The following UPRT variants were observed in gnomAD, a reference collection of about 807,000 sequenced individuals.
The protein encoded by UPRT is RP11-311P8.3.
Under a neutral mutation model 22.6 loss-of-function variants are expected in UPRT, and 5 were observed. That is an observed-to-expected ratio of 0.22 (90% confidence interval 0.12 to 0.47). The LOEUF (loss-of-function observed/expected upper bound fraction) is 0.47, where lower values mean the gene tolerates loss of function less well. UPRT is among the 20% of genes least tolerant of loss of function. The pLI, the probability that UPRT is intolerant of heterozygous loss-of-function variation, is 0.99. For missense variants in UPRT, 181 were observed against 239.9 expected, an observed-to-expected ratio of 0.75 and a Z score of 1.62; for synonymous variants, 77 against 87.7, an observed-to-expected ratio of 0.88 and a Z score of 0.68.
At chrX:75,204,701 T>G (rs2147624730) in intron 4 of UPRT, among the ~76,000 whole-genome samples, 1 of 111,550 alleles carries the variant, frequency 9.0e-6, no homozygotes, top group East Asian at 2.9e-4. Flanking sequence ...CAGAAGGATA[T>G]AGGTTGCAGT....
rs1459540137 is a variant in UPRT at position 75,180,072 on chromosome X, G to A, written c.-447+12193G>A. ...GGGCTGTGAGGACTGCCAGCACGCT[G>A]TCACCTCTCACTTTGTTGCCTCCCC... On this transcript the variant is annotated intron_variant, in intron 4 of 13. Transcript: ENST00000652605. 6.2e-5 allele frequency among the ~76,000 whole-genome samples: 7 copies of A among 112,813 alleles called. No homozygotes were observed. In the East Asian group the frequency reaches 2.0e-3, roughly 32 times the overall value.
At chrX:75,291,990 T>G (rs1254406429) in intron 1 of UPRT, among the ~76,000 whole-genome samples, 1 of 111,682 alleles carries the variant, frequency 9.0e-6, no homozygotes, top group Non-Finnish European at 1.9e-5. Context: ...TTTGGGCGAC[T>G]CTGATTACTT....
chrX:75,297,646 C>A, intron 4 of UPRT, 93 bp downstream of exon 4: 1 of 984,903 alleles, frequency 1.0e-6, no homozygotes, highest in South Asian at 2.0e-5. Flanking sequence ...GTCATAATTG[C>A]AGCCTGCCTT....
chrX:75,302,853 A>G (rs1423860855), intron 6 of UPRT, among the ~76,000 whole-genome samples: 1 of 110,728 alleles, frequency 9.0e-6, no homozygotes, highest in Admixed American at 9.6e-5. Context: ...GTGAAACACT[A>G]CACTTGTTTC....
intron 4 of UPRT, among the ~76,000 whole-genome samples, chrX:75,240,239 T>C (rs779402757): frequency 2.7e-5 from 3 of 110,841 alleles, no homozygotes; most frequent in Non-Finnish European, 3.8e-5. Context: ...ATAACTGAAT[T>C]CAGTAATGCT....
chrX:75,299,897 G>A lies in UPRT; in HGVS notation c.724+1G>A. 1 of 1,208,438 alleles carries A rather than the reference G, an allele frequency of 8.3e-7. No homozygotes were observed. Among genetic ancestry groups the A allele is most frequent in the Non-Finnish European group, 1.1e-6 (1 of 893,958 alleles). On this transcript the variant is annotated splice_donor_variant, in intron 5 of 6. Coordinates refer to ENST00000373383, the MANE Select transcript of UPRT (RefSeq NM_145052.4). LOFTEE classifies it high-confidence loss of function. Reference sequence around the variant, plus strand: ...GTCCTTCTGATGTATCCAATTCTCAGTGAGTGGCTTCCATTTGTTTGTAAC... The same window carrying A: ...GTCCTTCTGATGTATCCAATTCTCAATGAGTGGCTTCCATTTGTTTGTAAC...
intron 4 of UPRT, among the ~76,000 whole-genome samples, chrX:75,192,682 T>C (rs1262385079): frequency 8.9e-6 from 1 of 112,227 alleles, no homozygotes; most frequent in Non-Finnish European, 1.9e-5. Flanking sequence ...AGTTAACTGT[T>C]CTCATTGAAT....
At chrX:75,251,890 C>T (rs1311126044) in intron 4 of UPRT, among the ~76,000 whole-genome samples, 2 of 109,934 alleles carry the variant, frequency 1.8e-5, no homozygotes, top group African/African-American at 6.6e-5. Flanking sequence ...CAGAACAGAG[C>T]CCTCAGAAAT....
chrX:75,264,744 G>A (rs1045305062), intron 4 of UPRT, among the ~76,000 whole-genome samples: 1 of 111,560 alleles, frequency 9.0e-6, no homozygotes, highest in Non-Finnish European at 1.9e-5. Context: ...GACGTTAGCT[G>A]GTTATTCTGC....
intron 4 of UPRT, among the ~76,000 whole-genome samples, chrX:75,247,155 A>G (rs2082509590): frequency 2.7e-5 from 3 of 111,440 alleles, no homozygotes; most frequent in Non-Finnish European, 5.6e-5. Context: ...AGCATGAGTG[A>G]CACAGAAGAT....
intron 2 of UPRT, chrX:75,294,712 T>G: frequency 1.8e-6 from 1 of 547,420 alleles, no homozygotes; most frequent in Non-Finnish European, 2.4e-6. Context: ...AAGATAAATG[T>G]GGTTGACATT....
chrX:75,296,778 AT>A (rs2082727225), intron 3 of UPRT, among the ~76,000 whole-genome samples: 1 of 111,871 alleles, frequency 8.9e-6, no homozygotes, highest in Non-Finnish European at 1.9e-5. Context: ...CTGAAATTAC[AT>A]GTTAAAAAAG....
chrX:75,201,176 C>T (rs747231173), intron 4 of UPRT, among the ~76,000 whole-genome samples: 6 of 112,053 alleles, frequency 5.4e-5, no homozygotes, highest in Non-Finnish European at 9.4e-5. Context: ...TGCATTTGTT[C>T]TCTCAGTCAC....
At chrX:75,277,098 A>G in intron 1 of UPRT, among the ~76,000 whole-genome samples, 1 of 112,340 alleles carries the variant, frequency 8.9e-6, no homozygotes, top group Non-Finnish European at 1.9e-5. Flanking sequence ...ATGATACTCC[A>G]TTATATGAAT....
chrX:75,220,665 A>T (rs2082406938), intron 4 of UPRT, among the ~76,000 whole-genome samples: 2 of 112,058 alleles, frequency 1.8e-5, no homozygotes, highest in African/African-American at 6.5e-5. Context: ...TACTGATTGC[A>T]TAAAAAATTA....
At chrX:75,188,606 G>T (rs1234459897) in intron 4 of UPRT, among the ~76,000 whole-genome samples, 2 of 112,587 alleles carry the variant, frequency 1.8e-5, no homozygotes, top group Non-Finnish European at 3.8e-5. Context: ...GCAATGGCGG[G>T]CGCCCCTCCC....
intron 4 of UPRT, among the ~76,000 whole-genome samples, chrX:75,253,475 G>C (rs1006382774): frequency 8.9e-6 from 1 of 112,469 alleles, no homozygotes; most frequent in Admixed American, 9.4e-5. Context: ...GTGTAAAGTA[G>C]TTCAGCCATT....
intron 4 of UPRT, among the ~76,000 whole-genome samples, chrX:75,218,106 C>T (rs1248143312): frequency 9.0e-6 from 1 of 111,314 alleles, no homozygotes; most frequent in African/African-American, 3.3e-5. Context: ...AGGCAGCCTA[C>T]AAAATGGGAG....
At chrX:75,247,577 G>T (rs186323941) in intron 4 of UPRT, among the ~76,000 whole-genome samples, 4 of 112,437 alleles carry the variant, frequency 3.6e-5, no homozygotes, top group Non-Finnish European at 7.5e-5. Flanking sequence ...AAACAAAGCC[G>T]CCAAGCTCGA....
Sources: gnomAD v4.1 joint callset for allele counts (sites outside exome capture counted in the v4.1 genomes callset) on GRCh38, gnomAD v4.1.1 for gene constraint, MANE v1.5 for transcripts, NCBI Gene and HGNC (gene_info 2026-07-23, HGNC 2026-07-21) for gene names.